Variants in ADCY1 observed in about 807,000 individuals in gnomAD.
The protein encoded by ADCY1 is adenylate cyclase type 1.
Under a neutral mutation model 105.4 loss-of-function variants are expected in ADCY1, and 28 were observed. That is an observed-to-expected ratio of 0.27 (90% CI 0.20 to 0.36). ADCY1 has a LOEUF of 0.36. ADCY1 is among the 10% of genes least tolerant of loss of function. The pLI, the probability that ADCY1 is intolerant of heterozygous loss-of-function variation, is 1.00. For missense variants in ADCY1, 977 were observed against 1,434.2 expected, an observed-to-expected ratio of 0.68 and a Z score of 5.15; for synonymous variants, 655 against 623.8, an observed-to-expected ratio of 1.05 and a Z score of -0.75.
At chr7:45,697,955 T>G (rs1170931971) in intron 14 of ADCY1, among the ~76,000 whole-genome samples, 1 of 152,180 alleles carries the variant, frequency 6.6e-6, no homozygotes, top group Non-Finnish European at 1.5e-5. Context: ...TGAGCTGATT[T>G]GCCCTCCAGC....
chr7:45,653,734 C>T (rs994660454), intron 5 of ADCY1, among the ~76,000 whole-genome samples: 2 of 152,232 alleles, frequency 1.3e-5, no homozygotes, highest in Admixed American at 1.3e-4. Flanking sequence ...CACCCACCTT[C>T]TTCTGCTCAT....
intron 2 of ADCY1, among the ~76,000 whole-genome samples, chr7:45,606,980 T>C (rs1451768353): frequency 6.6e-6 from 1 of 152,178 alleles, no homozygotes; most frequent in Admixed American, 6.5e-5. Flanking sequence ...GTGGAATCTT[T>C]ATAATGTGAA....
At chr7:45,614,292 G>A (rs1793675765) in intron 3 of ADCY1, among the ~76,000 whole-genome samples, 1 of 152,070 alleles carries the variant, frequency 6.6e-6, no homozygotes, top group African/African-American at 2.4e-5. Context: ...TAGAGTTTCT[G>A]TATGTAATTG....
Position 45,574,651 on chromosome 7 carries a change from C to G in ADCY1, c.108C>G (p.Cys36Trp). The change falls in exon 1 of 20, where the codon TGC becomes TGG. Residue 36 changes from cysteine (C) to tryptophan (W), a missense_variant. By Grantham distance (215) the Cys-to-Trp change is radical. Around this residue, in one of 7 missense-constraint regions of ADCY1, gnomAD observed 209 missense variants for 222.5 expected, o/e 0.94. Coordinates refer to ENST00000297323, the MANE Select transcript of ADCY1 (RefSeq NM_021116.4). The surrounding 1 kb of genome is among the most constrained non-coding windows in gnomAD (Gnocchi z 7.0). ...GTSRRRGLRA[C>W]DEEFACPELE... ...GCCGCCGGCGCGGGCTCCGGGCGTG[C>G]GACGAGGAGTTCGCTTGCCCAGAGC... 7.7e-7 allele frequency: 1 copy of G among 1,301,950 alleles called. No homozygotes were observed. Among genetic ancestry groups the G allele is most frequent in the Non-Finnish European group, 9.7e-7 (1 of 1,027,810 alleles). 80.6% of individuals were successfully genotyped at this position (1,301,950 alleles called of 1,614,324 possible).
chr7:45,588,864 C>CGTGTGT (rs1315374839), intron 1 of ADCY1, among the ~76,000 whole-genome samples: 30 of 142,510 alleles, frequency 2.1e-4, no homozygotes, highest in African/African-American at 7.5e-4. Context: ...CCCATCATTG[C>CGTGTGT]GTGTATGTGT....
intron 14 of ADCY1, among the ~76,000 whole-genome samples, chr7:45,697,013 T>C (rs1432237097): frequency 6.6e-6 from 1 of 152,220 alleles, no homozygotes; most frequent in East Asian, 1.9e-4. Flanking sequence ...CCTTTCACTG[T>C]GGCAAGAAAT....
chr7:45,675,000 C>A (rs934679578), intron 8 of ADCY1, among the ~76,000 whole-genome samples: 2 of 151,724 alleles, frequency 1.3e-5, no homozygotes, highest in Non-Finnish European at 2.9e-5. Flanking sequence ...TTTATTACAG[C>A]CTCTTTTAAT....
chr7:45,608,828 C>T (rs564113527), intron 2 of ADCY1, among the ~76,000 whole-genome samples: 4 of 147,672 alleles, frequency 2.7e-5, no homozygotes, highest in East Asian at 2.1e-4. Context: ...AGTGAGGGCT[C>T]GGGTGGGGAC....
At chr7:45,688,708 A>G (rs532420489) in intron 14 of ADCY1, among the ~76,000 whole-genome samples, 1 of 152,290 alleles carries the variant, frequency 6.6e-6, no homozygotes, top group South Asian at 2.1e-4. Context: ...TTGGTGAAAA[A>G]CATGGCTTAT....
At chr7:45,631,758 A>G (rs1411970688) in intron 4 of ADCY1, among the ~76,000 whole-genome samples, 1 of 152,240 alleles carries the variant, frequency 6.6e-6, no homozygotes, top group Non-Finnish European at 1.5e-5. Context: ...AGAAAGATAC[A>G]CAAATAATCA....
intron 1 of ADCY1, among the ~76,000 whole-genome samples, chr7:45,585,162 A>G (rs756931397): frequency 8.5e-5 from 13 of 152,212 alleles, no homozygotes; most frequent in Non-Finnish European, 1.6e-4. Flanking sequence ...TTCTGAAACA[A>G]CCGTGGCCTC....
At chr7:45,664,539 G>T in intron 8 of ADCY1, 1 of 1,341,074 alleles carries the variant, frequency 7.5e-7, no homozygotes, top group Non-Finnish European at 9.7e-7. Flanking sequence ...ACACAAAGAT[G>T]CACAAGGGAG....
At chr7:45,604,266 A>C (rs1349244665) in intron 2 of ADCY1, among the ~76,000 whole-genome samples, 1 of 151,964 alleles carries the variant, frequency 6.6e-6, no homozygotes, top group Admixed American at 6.6e-5. Flanking sequence ...ACTTTTTGGG[A>C]TATTTTGTTT....
At chr7:45,665,987 T>G (rs1784243760) in intron 8 of ADCY1, among the ~76,000 whole-genome samples, 1 of 152,198 alleles carries the variant, frequency 6.6e-6, no homozygotes, top group African/African-American at 2.4e-5. Context: ...GGATAGCTGT[T>G]GCCAAATTGT....
intron 2 of ADCY1, among the ~76,000 whole-genome samples, chr7:45,608,823 G>A (rs1465373938): frequency 1.3e-5 from 2 of 152,146 alleles, no homozygotes; most frequent in African/African-American, 4.8e-5. Flanking sequence ...GCTATAGTGA[G>A]GGCTCGGGTG....
chr7:45,703,837 C>T lies in ADCY1; in HGVS notation c.2718+91C>T. The T allele has an allele frequency of 6.8e-7, 1 of 1,469,242 alleles. No homozygotes were observed. Among genetic ancestry groups the T allele is most frequent in the Non-Finnish European group, 9.1e-7 (1 of 1,097,310 alleles). The allele number at this position is 1,469,242 out of a possible 1,614,324, so 91.0% of individuals were successfully genotyped here. ...AGCGTGTCTCACAATATGTCACATT[C>T]TTCGTAGCTGGAATGAGAGAAAGCA... is the stretch of plus-strand genomic sequence containing the variant. On this transcript the variant is annotated intron_variant, in intron 16 of 19. Transcript: ENST00000297323. The surrounding 1 kb of genome is among the most constrained non-coding windows in gnomAD (Gnocchi z 5.9).
At chr7:45,683,768 A>G (rs1308044509) in intron 11 of ADCY1, among the ~76,000 whole-genome samples, 9 of 152,168 alleles carry the variant, frequency 5.9e-5, no homozygotes. Context: ...CTTGGCCCAC[A>G]GGTAGGGGTT....
intron 4 of ADCY1, among the ~76,000 whole-genome samples, chr7:45,643,784 C>T (rs1314864416): frequency 6.6e-6 from 1 of 152,150 alleles, no homozygotes. Flanking sequence ...TTTCCCCTTG[C>T]CCCTCCATGG....
At chr7:45,609,080 C>T (rs568948598) in intron 2 of ADCY1, among the ~76,000 whole-genome samples, 2 of 152,324 alleles carry the variant, frequency 1.3e-5, no homozygotes, top group East Asian at 3.9e-4. Flanking sequence ...GGGCTGTGCT[C>T]ATGGAATGCT....
Sources: gnomAD v4.1 joint callset for allele counts (sites outside exome capture counted in the v4.1 genomes callset) on GRCh38, gnomAD v4.1.1 for gene constraint, gnomAD v4.1.1 regional missense constraint, Gnocchi (gnomAD v3.1) non-coding constraint, MANE v1.5 for transcripts, NCBI Gene and HGNC (gene_info 2026-07-23, HGNC 2026-07-21) for gene names.